The following MYO1E variants were observed in gnomAD, a reference collection of about 807,000 sequenced individuals.
The protein encoded by MYO1E is myosin IE.
MYO1E carries 68 observed loss-of-function variants against 151.1 expected under a neutral mutation model. The observed-to-expected ratio is 0.45, with a 90% CI of 0.37 to 0.55. The LOEUF is 0.55. Among genes scored for constraint, MYO1E ranks in the 20% least tolerant of loss-of-function variants. The probability of loss-of-function intolerance (pLI) is 0.00; values close to 1 mark genes in which losing one functional copy is unlikely to be tolerated. For missense variants in MYO1E, 1,363 were observed against 1,389.3 expected (o/e 0.98, Z 0.30); for synonymous variants, 601 against 501.7 (o/e 1.20, Z -2.64).
intron 1 of MYO1E, among the ~76,000 whole-genome samples, chr15:59,372,259 A>C (rs2140448626): frequency 6.6e-6 from 1 of 152,218 alleles, no homozygotes; most frequent in East Asian, 1.9e-4. Context: ...ACCCGGCCAC[A>C]GAAAGTTTCG....
chr15:59,210,568 T>C lies in MYO1E; in HGVS notation c.1308A>G (p.Thr436=). ...TTTTATTATTAAAGTACTCAATGGG[T>C]GTCCATCTTATTCCCTCTTGAACAT... is the stretch of plus-strand genomic sequence containing the variant. ...EEYVQEGIRW[T]PIEYFNNKIV... The change falls in exon 13 of 28, where the codon ACA becomes ACG. Residue 436 remains threonine (T), a synonymous_variant. Coordinates refer to ENST00000288235, the MANE Select transcript of MYO1E (RefSeq NM_004998.4). 1 of 1,605,452 alleles carries C rather than the reference T, an allele frequency of 6.2e-7. No homozygotes were observed. Among genetic ancestry groups the C allele is most frequent in the Non-Finnish European group, 8.5e-7 (1 of 1,172,038 alleles).
chr15:59,154,758 G>C (rs2079500650), intron 25 of MYO1E, among the ~76,000 whole-genome samples: 1 of 152,214 alleles, frequency 6.6e-6, no homozygotes, highest in African/African-American at 2.4e-5. Context: ...AGAACCACGA[G>C]ATAGGTCCAG....
At chr15:59,277,120 G>A (rs2080323810) in intron 1 of MYO1E, among the ~76,000 whole-genome samples, 1 of 152,230 alleles carries the variant, frequency 6.6e-6, no homozygotes, top group Non-Finnish European at 1.5e-5. Context: ...GCAGTGGGGA[G>A]GAGGTGACCA....
intron 1 of MYO1E, among the ~76,000 whole-genome samples, chr15:59,336,507 T>C (rs2080729376): frequency 1.3e-5 from 2 of 152,234 alleles, no homozygotes; most frequent in African/African-American, 4.8e-5. Flanking sequence ...GTGTTTTTAA[T>C]AGTACTTGAA....
chr15:59,355,572 C>T (rs1002927382), intron 1 of MYO1E, among the ~76,000 whole-genome samples: 4 of 152,156 alleles, frequency 2.6e-5, no homozygotes, highest in African/African-American at 9.7e-5. Flanking sequence ...ACAGTTTGAC[C>T]CTGCCAGTCT....
At chr15:59,290,962 G>A (rs57833844) in intron 1 of MYO1E, among the ~76,000 whole-genome samples, 6,526 of 152,212 alleles carry the variant, frequency 0.043, 439 homozygotes, top group African/African-American at 0.14. Flanking sequence ...CCCACTCTCC[G>A]CATTAGGTAG....
chr15:59,214,625 TAA>T lies in MYO1E; in HGVS notation c.1188+13_1188+14del. ...GTCACCCTCCTCAACCCCTAGTTAT[TAA>T]AACTGGCCTTACCTGGAATATTTCA... On this transcript the variant is annotated intron_variant, in intron 11 of 27. Coordinates refer to ENST00000288235, the MANE Select transcript of MYO1E (RefSeq NM_004998.4). The T allele has an allele frequency of 6.3e-7, 1 of 1,593,178 alleles. No homozygotes were observed. The highest frequency in any genetic ancestry group is 8.6e-7 in the Non-Finnish European group (1 of 1,160,938).
chr15:59,153,308 C>T (rs1442188666), intron 26 of MYO1E, among the ~76,000 whole-genome samples: 1 of 152,206 alleles, frequency 6.6e-6, no homozygotes, highest in Non-Finnish European at 1.5e-5. Context: ...ACAAAGAGGT[C>T]ACAGAGTAAC....
At chr15:59,319,242 C>T (rs181712873) in intron 1 of MYO1E, among the ~76,000 whole-genome samples, 61 of 152,126 alleles carry the variant, frequency 4.0e-4, no homozygotes, top group African/African-American at 1.4e-3. Context: ...ACCCAGAAGC[C>T]GGAGGTTGCA....
At chr15:59,208,574 G>A in intron 14 of MYO1E, 107 bp downstream of exon 14, 3 of 1,367,732 alleles carry the variant, frequency 2.2e-6, no homozygotes, top group Middle Eastern at 1.8e-4. Context: ...AATTCCGTTT[G>A]TTGAATCAAT....
chr15:59,224,921 C>A lies in MYO1E; in HGVS notation c.643-98G>T, dbSNP rs2079980171. 5 of 1,525,544 alleles carry A rather than the reference C, an allele frequency of 3.3e-6. No homozygotes were observed. In the Admixed American group the frequency reaches 5.1e-5, roughly 16 times the overall value. 94.5% of individuals were successfully genotyped at this position (1,525,544 alleles called of 1,614,324 possible). A position where few individuals can be genotyped will look rare whatever the true frequency, so the allele number is the denominator to read the frequency against. The stretch of plus-strand genomic sequence containing the variant: ...GCCACCATCCCTAAGGACTTTCTAT[C>A]TCTGCTTTCTAAAATTACAGGCAGT... On this transcript the variant is annotated intron_variant, in intron 7 of 27. Transcript: ENST00000288235.
At chr15:59,240,091 G>GAC (rs767537112) in intron 4 of MYO1E, among the ~76,000 whole-genome samples, 7 of 152,122 alleles carry the variant, frequency 4.6e-5, no homozygotes, top group Non-Finnish European at 8.8e-5. Flanking sequence ...TTATAAAATG[G>GAC]ACACACACAC....
intron 1 of MYO1E, among the ~76,000 whole-genome samples, chr15:59,283,386 C>G (rs1381889048): frequency 2.0e-5 from 3 of 152,092 alleles, no homozygotes; most frequent in African/African-American, 7.2e-5. Context: ...CTACCTCAAC[C>G]CAACTCTATG....
intron 1 of MYO1E, among the ~76,000 whole-genome samples, chr15:59,323,318 TAAAC>T (rs1396148243): frequency 1.3e-5 from 2 of 151,336 alleles, no homozygotes; most frequent in Non-Finnish European, 2.9e-5. Context: ...ACATGAAACA[TAAAC>T]AATTTCAACA....
chr15:59,208,275 T>C (rs1327642412), intron 14 of MYO1E: 2 of 599,640 alleles, frequency 3.3e-6, no homozygotes, highest in Admixed American at 7.1e-5. Flanking sequence ...TTATTTACAA[T>C]TCCTAAGTAT....
At chr15:59,241,823 G>A (rs1390303735) in intron 4 of MYO1E, among the ~76,000 whole-genome samples, 1 of 152,224 alleles carries the variant, frequency 6.6e-6, no homozygotes, top group Admixed American at 6.5e-5. Flanking sequence ...GGAGGCTGAG[G>A]TGGGAGGATT....
intron 16 of MYO1E, among the ~76,000 whole-genome samples, chr15:59,196,984 G>A (rs1454361201): frequency 6.0e-5 from 3 of 49,646 alleles, no homozygotes; most frequent in Non-Finnish European, 9.8e-5. Flanking sequence ...ATTTAATTAC[G>A]ACTTTTTTTT....
At chr15:59,310,393 G>A (rs1278318319) in intron 1 of MYO1E, among the ~76,000 whole-genome samples, 17 of 152,200 alleles carry the variant, frequency 1.1e-4, no homozygotes, top group Non-Finnish European at 1.6e-4. Context: ...AAGTTAAGAC[G>A]AAGTCAGCAA....
At chr15:59,198,276 C>T (rs1419348982) in intron 16 of MYO1E, among the ~76,000 whole-genome samples, 1 of 152,206 alleles carries the variant, frequency 6.6e-6, no homozygotes, top group Non-Finnish European at 1.5e-5. Flanking sequence ...ACCAACAGCA[C>T]TTGCTCAACA....
Sources: gnomAD v4.1 joint callset for allele counts (sites outside exome capture counted in the v4.1 genomes callset) on GRCh38, gnomAD v4.1.1 for gene constraint, MANE v1.5 for transcripts, NCBI Gene and HGNC (gene_info 2026-07-23, HGNC 2026-07-21) for gene names.